Variants in NUP210 observed in about 807,000 individuals in gnomAD.
The protein encoded by NUP210 is nuclear pore membrane glycoprotein 210.
Under a neutral mutation model 196.0 loss-of-function variants are expected in NUP210, and 151 were observed. That is an observed-to-expected ratio of 0.77 (90% confidence interval 0.67 to 0.88). NUP210 has a LOEUF of 0.88. Among genes scored for constraint, NUP210 ranks in the 40% least tolerant of loss-of-function variants. NUP210 has a pLI of 0.00. For missense variants in NUP210, 2,314 were observed against 2,493.7 expected, an observed-to-expected ratio of 0.93 and a Z score of 1.53; for synonymous variants, 1,070 against 1,052.7, an observed-to-expected ratio of 1.02 and a Z score of -0.32.
intron 28 of NUP210, 28 bp downstream of exon 28, chr3:13,335,426 C>A: frequency 6.2e-7 from 1 of 1,602,790 alleles, no homozygotes; most frequent in South Asian, 1.1e-5. Flanking sequence ...TCTCCCCCTT[C>A]CCTGTGGCCT....
rs76331167 is a variant in NUP210 at position 13,385,108 on chromosome 3, T to A, written c.817+1167A>T. ...AAAGGCAGGAGCGCCTGTCTTCAGTTTTTTTGTCCTCCTGAGAGAAAGCGT... is the reference window on the plus strand; with the variant it reads ...AAAGGCAGGAGCGCCTGTCTTCAGTATTTTTGTCCTCCTGAGAGAAAGCGT... On this transcript the variant is annotated intron_variant, in intron 6 of 39. Coordinates refer to ENST00000254508, the MANE Select transcript of NUP210 (RefSeq NM_024923.4). 2.0e-3 allele frequency among the ~76,000 whole-genome samples: 312 copies of A among 152,268 alleles called. 9 individuals carry two copies. In the East Asian group the frequency reaches 0.056, roughly 27 times the overall value.
At chr3:13,327,507 G>A (rs997786898) in intron 31 of NUP210, 70 bp from the exon 32 acceptor site, 23 of 1,128,600 alleles carry the variant, frequency 2.0e-5, no homozygotes, top group African/African-American at 9.2e-5. Context: ...AGGGAGAAAC[G>A]TAATCCATGT....
At chr3:13,406,422 C>A (rs1439803620) in intron 1 of NUP210, among the ~76,000 whole-genome samples, 1 of 152,188 alleles carries the variant, frequency 6.6e-6, no homozygotes. Context: ...CAGTCCCTGA[C>A]CAGTACAGGC....
chr3:13,344,529 A>C (rs1483167239), intron 20 of NUP210, among the ~76,000 whole-genome samples: 1 of 152,192 alleles, frequency 6.6e-6, no homozygotes, highest in African/African-American at 2.4e-5. Context: ...TCAAGAAGCT[A>C]CAAAAAAATA....
At chr3:13,364,627 G>A (rs1421106174) in intron 14 of NUP210, among the ~76,000 whole-genome samples, 2 of 152,032 alleles carry the variant, frequency 1.3e-5, no homozygotes, top group African/African-American at 4.8e-5. Context: ...TCGGGAGTTC[G>A]GGACCAGCCT....
intron 36 of NUP210, 74 bp downstream of exon 36, chr3:13,321,511 C>A: frequency 6.6e-7 from 1 of 1,517,398 alleles, no homozygotes; most frequent in Admixed American, 1.8e-5. Flanking sequence ...ATCCACACCA[C>A]ATTCCCTCTT....
chr3:13,327,874 T>G (rs1387386910), intron 31 of NUP210, among the ~76,000 whole-genome samples: 1 of 152,162 alleles, frequency 6.6e-6, no homozygotes, highest in Non-Finnish European at 1.5e-5. Flanking sequence ...GATCATCACG[T>G]GACCGTGACG....
chr3:13,406,846 C>G (rs901914965), intron 1 of NUP210, among the ~76,000 whole-genome samples: 2 of 150,530 alleles, frequency 1.3e-5, no homozygotes, highest in Non-Finnish European at 3.0e-5. Context: ...CAACCCCCCC[C>G]ACCCCCCACA....
At chr3:13,410,917 CAAAAA>C (rs35395985) in intron 1 of NUP210, among the ~76,000 whole-genome samples, 1 of 77,464 alleles carries the variant, frequency 1.3e-5, no homozygotes, top group East Asian at 3.9e-4. Context: ...GACTCTGTCT[CAAAAA>C]AAAAAAAAAA....
chr3:13,319,950 TGCCA>T lies in NUP210; in HGVS notation c.5192_5195del (p.Leu1731HisfsTer35). ...ACCCAAAAGACTTCTCCTTTGCGAA[TGCCA>T]GCACGGCCGGGGACCCGGATTTCAC... is the stretch of plus-strand genomic sequence containing the variant. On this transcript the variant is annotated frameshift_variant, in exon 37 of 40. Transcript: ENST00000254508. LOFTEE classifies it high-confidence loss of function. 6.2e-7 allele frequency: 1 copy of T among 1,614,046 alleles called. No homozygotes were observed. Among genetic ancestry groups the T allele is most frequent in the Non-Finnish European group, 8.5e-7 (1 of 1,180,036 alleles).
chr3:13,359,779 G>A (rs1698307406), intron 15 of NUP210, among the ~76,000 whole-genome samples: 1 of 152,122 alleles, frequency 6.6e-6, no homozygotes, highest in African/African-American at 2.4e-5. Flanking sequence ...TCACACATGT[G>A]TTTTGTCTGG....
At chr3:13,328,452 T>C (rs986143477) in intron 31 of NUP210, among the ~76,000 whole-genome samples, 1 of 152,196 alleles carries the variant, frequency 6.6e-6, no homozygotes, top group Non-Finnish European at 1.5e-5. Flanking sequence ...GAAACACAAC[T>C]GTGGCAGGAC....
intron 1 of NUP210, among the ~76,000 whole-genome samples, chr3:13,404,209 C>T (rs953648850): frequency 1.3e-5 from 2 of 152,122 alleles, no homozygotes; most frequent in African/African-American, 2.4e-5. Flanking sequence ...GTAAGGCAGG[C>T]CCCCCACCCA....
rs780262426 is a variant in NUP210, at chr3:13,332,292, C to T, written c.3935+1G>A. The stretch of plus-strand genomic sequence containing the variant: ...CTGGAAACAAGAGCTGAGTCACGTA[C>T]CTGTTTGTCTGCAGCTTTATATATG... On this transcript the variant is annotated splice_donor_variant, in intron 29 of 39. Transcript: ENST00000254508. LOFTEE classifies it high-confidence loss of function. The T allele has an allele frequency of 1.4e-5, 22 of 1,611,778 alleles. No individual in the cohort carries two copies. In the Admixed American group the frequency reaches 2.7e-4, roughly 20 times the overall value.
At position 13,399,833 on chromosome 3, in the gene NUP210, T is replaced by C; in HGVS notation, c.196A>G (p.Ile66Val). 1.2e-6 allele frequency: 2 copies of C among 1,612,374 alleles called. No homozygotes were observed. Among genetic ancestry groups the C allele is most frequent in the Non-Finnish European group, 8.5e-7 (1 of 1,179,222 alleles). The change falls in exon 2 of 40, where the codon ATC becomes GTC. Residue 66 changes from isoleucine to valine, a missense_variant. Transcript: ENST00000254508. Reference sequence around the variant, plus strand: ...TGCTCGTCCAGGCCCAGCGGCTCGATGCTGGCCACCTCCGGCCGGGTGGAC... The same window carrying C: ...TGCTCGTCCAGGCCCAGCGGCTCGACGCTGGCCACCTCCGGCCGGGTGGAC... Reference protein sequence around the residue: ...WLSTRPEVASIEPLGLDEQQC... With the variant: ...WLSTRPEVASVEPLGLDEQQC...
chr3:13,321,481 A>T, intron 36 of NUP210, 104 bp downstream of exon 36: 2 of 1,260,920 alleles, frequency 1.6e-6, no homozygotes, highest in Non-Finnish European at 2.2e-6. Flanking sequence ...AATAAATTTT[A>T]AAGAGAGCTG....
chr3:13,376,192 C>T, intron 10 of NUP210, 99 bp downstream of exon 10: 1 of 1,284,428 alleles, frequency 7.8e-7, no homozygotes, highest in Non-Finnish European at 1.1e-6. Context: ...TGCAGGTGGC[C>T]CAACTCCCTG....
Position 13,339,921 on chromosome 3 carries a change from T to C in NUP210, c.3404A>G (p.Asn1135Ser). The C allele has an allele frequency of 6.2e-7, 1 of 1,614,014 alleles. No individual in the cohort carries two copies. The highest frequency in any genetic ancestry group is 8.5e-7 in the Non-Finnish European group (1 of 1,180,038). The part of the protein sequence containing the change: ...AGLVQGLAIG[N>S]GTVSGLVQAV... ...CTGCACGAGCCCAGACACAGTGCCG[T>C]TCCCGATGGCGAGGCCCTGTACCAG... The change falls in exon 25 of 40, where the codon AAC becomes AGC. Residue 1135 changes from asparagine to serine, a missense_variant. Transcript: ENST00000254508.
chr3:13,361,866 A>C (rs1051020324), intron 14 of NUP210, among the ~76,000 whole-genome samples: 1 of 152,168 alleles, frequency 6.6e-6, no homozygotes, highest in Non-Finnish European at 1.5e-5. Context: ...ATCCTTCTAG[A>C]GAACCAGGCT....
Sources: gnomAD v4.1 joint callset for allele counts (sites outside exome capture counted in the v4.1 genomes callset) on GRCh38, gnomAD v4.1.1 for gene constraint, MANE v1.5 for transcripts, NCBI Gene and HGNC (gene_info 2026-07-23, HGNC 2026-07-21) for gene names.